The following TMEM232 variants were observed in gnomAD, a reference collection of about 807,000 sequenced individuals.
TMEM232 encodes the protein transmembrane protein 232.
In TMEM232, 80 loss-of-function variants were observed where a neutral mutation model predicts 78.8. The observed-to-expected ratio is 1.01, with a 90% CI of 0.85 to 1.22. The LOEUF (loss-of-function observed/expected upper bound fraction) is 1.22, where lower values mean the gene tolerates loss of function less well. Ranked by LOEUF, TMEM232 falls within the 50% of genes most tolerant of loss-of-function variation. The pLI is 0.00. For missense variants in TMEM232, 881 were observed against 742.2 expected (o/e 1.19, Z -2.17); for synonymous variants, 297 against 254.3 (o/e 1.17, Z -1.60).
At chr5:110,414,358 G>A (rs1756109294) in intron 2 of TMEM232, among the ~76,000 whole-genome samples, 1 of 152,152 alleles carries the variant, frequency 6.6e-6, no homozygotes, top group Non-Finnish European at 1.5e-5. Context: ...GAGCTCAGCA[G>A]ACAATGAACA....
At chr5:110,473,403 T>G (rs1762889194) in intron 12 of TMEM232, among the ~76,000 whole-genome samples, 1 of 151,634 alleles carries the variant, frequency 6.6e-6, no homozygotes, top group Non-Finnish European at 1.5e-5. Context: ...CCAGATAAAA[T>G]GCAAAGTTAT....
intron 11 of TMEM232, among the ~76,000 whole-genome samples, chr5:110,556,272 T>C (rs980006234): frequency 1.3e-5 from 2 of 152,112 alleles, no homozygotes; most frequent in South Asian, 2.1e-4. Context: ...AAACTCTTGG[T>C]TGGAATTTCC....
At chr5:110,453,066 C>T (rs538021797) in intron 12 of TMEM232, among the ~76,000 whole-genome samples, 1 of 152,128 alleles carries the variant, frequency 6.6e-6, no homozygotes, top group Non-Finnish European at 1.5e-5. Flanking sequence ...ATTGTTATAA[C>T]AGTGACAGTG....
intron 12 of TMEM232, among the ~76,000 whole-genome samples, chr5:110,438,160 T>C (rs1251670681): frequency 2.6e-5 from 4 of 151,020 alleles, no homozygotes; most frequent in Non-Finnish European, 5.9e-5. Flanking sequence ...TCTGTTTTTT[T>C]CCCTTTTGGG....
At chr5:110,429,072 T>TG (rs1476198267) in intron 12 of TMEM232, among the ~76,000 whole-genome samples, 1 of 151,518 alleles carries the variant, frequency 6.6e-6, no homozygotes, top group East Asian at 1.9e-4. Flanking sequence ...TTATTAGGAG[T>TG]GGGAAAAAAT....
chr5:110,450,200 C>T (rs1002890078), intron 12 of TMEM232, among the ~76,000 whole-genome samples: 1 of 152,144 alleles, frequency 6.6e-6, no homozygotes, highest in Non-Finnish European at 1.5e-5. Flanking sequence ...GTCTGTGGAA[C>T]TGTGAGTCAA....
chr5:110,712,383 A>G (rs564259654), intron 1 of TMEM232, among the ~76,000 whole-genome samples: 14 of 152,240 alleles, frequency 9.2e-5, no homozygotes, highest in African/African-American at 3.4e-4. Flanking sequence ...TATGGAGCTC[A>G]AACAACTCTA....
At position 110,653,761 on chromosome 5, in the gene TMEM232, A is replaced by G. The variant is rs574812667; in HGVS notation, c.126-11390T>C. On this transcript the variant is annotated intron_variant, in intron 2 of 13. Coordinates refer to ENST00000455884, the MANE Select transcript of TMEM232 (RefSeq NM_001039763.4). ...AAGATAATTGGACGGGAGGAATCTG[A>G]GCAGATGATCTGTGCCATTCTGGGC... Among the ~76,000 whole-genome samples the G allele has an allele frequency of 2.6e-5, 4 of 152,302 alleles. No homozygotes were observed. The South Asian group carries it at 8.3e-4, about 32-fold the overall frequency.
intron 3 of TMEM232, among the ~76,000 whole-genome samples, chr5:110,396,172 A>G (rs1755380512): frequency 6.6e-6 from 1 of 152,120 alleles, no homozygotes; most frequent in Non-Finnish European, 1.5e-5. Context: ...GAGAGAGAGA[A>G]TGCAGGGGAA....
chr5:110,570,210 C>T (rs1776780312), intron 10 of TMEM232, among the ~76,000 whole-genome samples: 2 of 151,910 alleles, frequency 1.3e-5, no homozygotes, highest in South Asian at 4.2e-4. Context: ...CTTATAGGAA[C>T]TTTACTAATT....
At chr5:110,590,408 CTCCTGTCAGATCAGTGGTATTACA>C (rs1192387134) in intron 10 of TMEM232, among the ~76,000 whole-genome samples, 1 of 152,106 alleles carries the variant, frequency 6.6e-6, no homozygotes, top group Non-Finnish European at 1.5e-5. Flanking sequence ...TGAACTCCAC[CTCCTGTCAGATCAGTGGTATTACA>C]TTCTCATAGG....
intron 1 of TMEM232, among the ~76,000 whole-genome samples, chr5:110,694,164 A>C (rs1251421081): frequency 6.6e-6 from 1 of 152,194 alleles, no homozygotes; most frequent in Admixed American, 6.5e-5. Flanking sequence ...ATTCTTAAAG[A>C]AAAGAATTTT....
At chr5:110,454,370 G>A (rs1249238828) in intron 12 of TMEM232, among the ~76,000 whole-genome samples, 1 of 152,088 alleles carries the variant, frequency 6.6e-6, no homozygotes, top group African/African-American at 2.4e-5. Context: ...CATCTCCCAG[G>A]CTACTGATGA....
chr5:110,530,286 A>G (rs1561637169), intron 11 of TMEM232, among the ~76,000 whole-genome samples: 1 of 152,208 alleles, frequency 6.6e-6, no homozygotes, highest in East Asian at 1.9e-4. Flanking sequence ...GTCATAGAGG[A>G]TGGGAAAGAA....
intron 5 of TMEM232, among the ~76,000 whole-genome samples, chr5:110,635,106 A>C (rs879790822): frequency 3.9e-5 from 6 of 152,038 alleles, no homozygotes; most frequent in Non-Finnish European, 7.4e-5. Context: ...TAAATTCCTG[A>C]AAACATACAA....
upstream of TMEM232, among the ~76,000 whole-genome samples, chr5:110,738,408 G>T (rs928060551): frequency 4.6e-5 from 7 of 152,098 alleles, no homozygotes; most frequent in Non-Finnish European, 7.3e-5. Context: ...AAAGGAAAAC[G>T]CGTAATTTCT....
chr5:110,732,893 G>A (rs560533354), intron 2 of TMEM232, among the ~76,000 whole-genome samples: 9 of 152,240 alleles, frequency 5.9e-5, no homozygotes, highest in African/African-American at 2.2e-4. Context: ...ACAACATACA[G>A]AATGAGAGAA....
At chr5:110,399,951 G>T (rs988611143) in intron 2 of TMEM232, among the ~76,000 whole-genome samples, 1 of 152,098 alleles carries the variant, frequency 6.6e-6, no homozygotes, top group Non-Finnish European at 1.5e-5. Flanking sequence ...TCTGTTAAGA[G>T]ACCACTATGA....
chr5:110,564,123 C>T (rs1230485720), intron 11 of TMEM232, among the ~76,000 whole-genome samples: 1 of 151,886 alleles, frequency 6.6e-6, no homozygotes, highest in Non-Finnish European at 1.5e-5. Flanking sequence ...TACCTATTAA[C>T]ATTAATTTGT....
Sources: gnomAD v4.1 joint callset for allele counts (sites outside exome capture counted in the v4.1 genomes callset) on GRCh38, gnomAD v4.1.1 for gene constraint, MANE v1.5 for transcripts, NCBI Gene and HGNC (gene_info 2026-07-23, HGNC 2026-07-21) for gene names.